Variants in CNTN5 observed in about 807,000 individuals in gnomAD.
CNTN5 encodes contactin-5.
In CNTN5, 77 loss-of-function variants were observed where a neutral mutation model predicts 129.1. The ratio of observed to expected loss-of-function variants is 0.60; its 90% CI spans 0.50 to 0.72. The LOEUF is 0.72. CNTN5 is among the 30% of genes least tolerant of loss of function. The pLI, the probability that CNTN5 is intolerant of heterozygous loss-of-function variation, is 0.00. For synonymous variants in CNTN5, 509 were observed against 465.6 expected (o/e 1.09, Z -1.20); for missense variants, 1,478 against 1,328.8 (o/e 1.11, Z -1.75).
At chr11:99,975,619 T>C (rs892051545) in intron 8 of CNTN5, among the ~76,000 whole-genome samples, 1 of 152,066 alleles carries the variant, frequency 6.6e-6, no homozygotes, top group Non-Finnish European at 1.5e-5. Flanking sequence ...AAGTAAGGCA[T>C]ATCTTACGTG....
chr11:99,619,097 G>T (rs1950849012), intron 3 of CNTN5, among the ~76,000 whole-genome samples: 1 of 152,014 alleles, frequency 6.6e-6, no homozygotes, highest in African/African-American at 2.4e-5. Context: ...ATTGTCAATA[G>T]AATGCTTTAG....
intron 2 of CNTN5, among the ~76,000 whole-genome samples, chr11:99,353,070 C>A: frequency 6.6e-6 from 1 of 152,222 alleles, no homozygotes; most frequent in East Asian, 1.9e-4. Flanking sequence ...CACTTGCCCC[C>A]ATAGCTCCAG....
At chr11:99,078,904 A>G (rs1006483395) in intron 1 of CNTN5, among the ~76,000 whole-genome samples, 3 of 152,142 alleles carry the variant, frequency 2.0e-5, no homozygotes, top group Non-Finnish European at 4.4e-5. Flanking sequence ...TACAGTAAAC[A>G]ATAATTTATT....
At chr11:100,178,138 A>C (rs1330202928) in intron 13 of CNTN5, among the ~76,000 whole-genome samples, 1 of 152,148 alleles carries the variant, frequency 6.6e-6, no homozygotes, top group East Asian at 1.9e-4. Context: ...CTCTTCTACC[A>C]TAAGGAGAAT....
intron 2 of CNTN5, among the ~76,000 whole-genome samples, chr11:99,529,101 A>G (rs951522973): frequency 9.2e-5 from 14 of 151,968 alleles, no homozygotes; most frequent in African/African-American, 3.4e-4. Flanking sequence ...AAACAAAACC[A>G]CAAAAAAGAA....
chr11:99,915,311 C>T (rs182113111), intron 6 of CNTN5, among the ~76,000 whole-genome samples: 1 of 152,056 alleles, frequency 6.6e-6, no homozygotes, highest in East Asian at 1.9e-4. Context: ...CACATCATTC[C>T]CTTTTGGACC....
At chr11:100,162,675 A>AT (rs1947495682) in intron 13 of CNTN5, among the ~76,000 whole-genome samples, 1 of 151,926 alleles carries the variant, frequency 6.6e-6, no homozygotes, top group Non-Finnish European at 1.5e-5. Flanking sequence ...AATCAGGAAC[A>AT]TCAAAAATGT....
At chr11:99,533,666 T>C (rs747140112) in intron 2 of CNTN5, among the ~76,000 whole-genome samples, 7 of 152,214 alleles carry the variant, frequency 4.6e-5, no homozygotes, top group African/African-American at 7.2e-5. Flanking sequence ...AAGATACCGC[T>C]GTTCACTGGT....
At chr11:99,786,295 C>G (rs567747235) in intron 3 of CNTN5, among the ~76,000 whole-genome samples, 1 of 152,082 alleles carries the variant, frequency 6.6e-6, no homozygotes, top group Non-Finnish European at 1.5e-5. Flanking sequence ...ATCCAACTTA[C>G]AAGGGATGTG....
intron 3 of CNTN5, among the ~76,000 whole-genome samples, chr11:99,573,987 T>C (rs1949263847): frequency 6.6e-6 from 1 of 152,132 alleles, no homozygotes; most frequent in Non-Finnish European, 1.5e-5. Flanking sequence ...ACACATGCCA[T>C]GGTGGTTTGC....
chr11:100,015,886 A>G (rs570548538), intron 9 of CNTN5, among the ~76,000 whole-genome samples: 1 of 152,218 alleles, frequency 6.6e-6, no homozygotes, highest in Non-Finnish European at 1.5e-5. Context: ...TTTCTAATCT[A>G]GAATTATAAT....
At chr11:99,995,019 C>T (rs1444216908) in intron 8 of CNTN5, among the ~76,000 whole-genome samples, 1 of 152,104 alleles carries the variant, frequency 6.6e-6, no homozygotes, top group African/African-American at 2.4e-5. Flanking sequence ...GAGAAGAAGT[C>T]GTTAAACATT....
At chr11:99,753,508 A>G (rs1176202490) in intron 3 of CNTN5, among the ~76,000 whole-genome samples, 1 of 151,202 alleles carries the variant, frequency 6.6e-6, no homozygotes, top group Non-Finnish European at 1.5e-5. Context: ...TAAGATCTAA[A>G]TGTCCCATAT....
chr11:100,250,274 C>T (rs767356034), intron 16 of CNTN5, among the ~76,000 whole-genome samples: 11 of 152,078 alleles, frequency 7.2e-5, no homozygotes, highest in African/African-American at 1.2e-4. Context: ...ATCGCATCTC[C>T]GTCTAATATA....
At chr11:99,865,961 A>G (rs1403342010) in intron 6 of CNTN5, among the ~76,000 whole-genome samples, 2 of 152,042 alleles carry the variant, frequency 1.3e-5, no homozygotes, top group African/African-American at 2.4e-5. Context: ...GTTGTTATTT[A>G]TATTTTTTAA....
chr11:99,754,944 C>T (rs1374026147), intron 3 of CNTN5, among the ~76,000 whole-genome samples: 1 of 152,048 alleles, frequency 6.6e-6, no homozygotes, highest in Admixed American at 6.5e-5. Flanking sequence ...CAAGCCCTGG[C>T]AATCATTGAT....
intron 3 of CNTN5, among the ~76,000 whole-genome samples, chr11:99,642,293 A>T (rs1591408283): frequency 6.6e-6 from 1 of 152,202 alleles, no homozygotes; most frequent in Non-Finnish European, 1.5e-5. Context: ...CTACAGTGGT[A>T]TTCTGTCATT....
At chr11:99,993,172 C>T (rs1357633403) in intron 8 of CNTN5, among the ~76,000 whole-genome samples, 2 of 152,102 alleles carry the variant, frequency 1.3e-5, no homozygotes, top group Admixed American at 1.3e-4. Context: ...ACCATGTAGC[C>T]AAGTCAGACA....
intron 9 of CNTN5, among the ~76,000 whole-genome samples, chr11:100,039,438 A>G (rs554263079): frequency 6.6e-6 from 1 of 152,046 alleles, no homozygotes; most frequent in South Asian, 2.1e-4. Flanking sequence ...AATCTGACAA[A>G]TATGTGTCTT....
Sources: gnomAD v4.1 joint callset for allele counts (sites outside exome capture counted in the v4.1 genomes callset) on GRCh38, gnomAD v4.1.1 for gene constraint, MANE v1.5 for transcripts, NCBI Gene and HGNC (gene_info 2026-07-23, HGNC 2026-07-21) for gene names.